CFH: variants seen among roughly 807,000 people sequenced by gnomAD.
CFH encodes the protein complement factor H.
In CFH, 53 loss-of-function variants were observed where a neutral mutation model predicts 147.3. The observed-to-expected ratio is 0.36, with a 90% CI of 0.29 to 0.45. CFH has a LOEUF of 0.45. Ranked by LOEUF, CFH falls within the 20% of genes least tolerant of loss-of-function variation. The probability of loss-of-function intolerance (pLI) is 1.00; values close to 1 mark genes in which losing one functional copy is unlikely to be tolerated. For missense variants in CFH, 1,380 were observed against 1,498.0 expected (o/e 0.92, Z 1.30); for synonymous variants, 536 against 489.4 (o/e 1.10, Z -1.26).
intron 18 of CFH, chr1:196,741,671 C>A (rs996336409): frequency 7.2e-6 from 4 of 558,738 alleles, no homozygotes; most frequent in Non-Finnish European, 3.2e-6. Context: ...CTTCTAATAT[C>A]ATTTCTATCT....
intron 15 of CFH, among the ~76,000 whole-genome samples, chr1:196,734,696 C>T (rs575089505): frequency 5.0e-4 from 76 of 152,086 alleles, no homozygotes; most frequent in African/African-American, 1.8e-3. Flanking sequence ...ATACTGGCAT[C>T]GTGCTGATGT....
chr1:196,696,259 T>A (rs1306499444), intron 9 of CFH, among the ~76,000 whole-genome samples: 1 of 152,004 alleles, frequency 6.6e-6, no homozygotes, highest in Non-Finnish European at 1.5e-5. Context: ...CAACAAACAG[T>A]CTCTCAGACC....
intron 17 of CFH, among the ~76,000 whole-genome samples, chr1:196,738,878 C>T (rs1429990121): frequency 6.6e-6 from 1 of 152,214 alleles, no homozygotes; most frequent in Non-Finnish European, 1.5e-5. Context: ...AGCAGAGGTT[C>T]TCCATGTGGG....
Position 196,652,053 on chromosome 1 carries a change from G to A in CFH, c.-65G>A, listed in dbSNP as rs1253082856. ...TTTCCTGCACTAATCACAATTCTTG[G>A]AAGAGGAGAACTGGACGTTGTGAAC... is the stretch of plus-strand genomic sequence containing the variant. On this transcript the variant is annotated 5_prime_UTR_variant, in exon 1 of 22. Transcript: ENST00000367429. The A allele has an allele frequency of 8.8e-7, 1 of 1,135,348 alleles. No individual in the cohort carries two copies. Among genetic ancestry groups the A allele is most frequent in the East Asian group, 2.3e-5 (1 of 42,558 alleles). 70.3% of individuals were successfully genotyped at this position (1,135,348 alleles called of 1,614,324 possible). A position where few individuals can be genotyped will look rare whatever the true frequency, so the allele number is the denominator to read the frequency against.
chr1:196,675,427 C>A (rs1363669748), intron 3 of CFH, among the ~76,000 whole-genome samples: 1 of 152,074 alleles, frequency 6.6e-6, no homozygotes, highest in Non-Finnish European at 1.5e-5. Context: ...CAACTTTTGG[C>A]TGGCACTATC....
chr1:196,683,562 C>G (rs769199784), intron 6 of CFH, among the ~76,000 whole-genome samples: 12 of 151,408 alleles, frequency 7.9e-5, no homozygotes, highest in Non-Finnish European at 1.5e-4. Flanking sequence ...AGTGAAGGGA[C>G]TGAAAATTGG....
In CFH at chr1:196,707,973, C is replaced by T. The variant is rs555725288; in HGVS notation, c.1337-5762C>T. Among the ~76,000 whole-genome samples the T allele has an allele frequency of 5.2e-4, 79 of 152,266 alleles. 1 individual carries two copies. Among genetic ancestry groups the T allele is most frequent in the African/African-American group, 1.8e-3 (73 of 41,560 alleles). ...TAATTACAATTGCTACCCTTATAGA[C>T]ATTACTTCATAATTGCCTTGGTCAA... is the stretch of plus-strand genomic sequence containing the variant. On this transcript the variant is annotated intron_variant, in intron 9 of 21. Coordinates refer to ENST00000367429, the MANE Select transcript of CFH (RefSeq NM_000186.4).
At chr1:196,721,997 T>C (rs1416975201) in intron 11 of CFH, among the ~76,000 whole-genome samples, 1 of 152,044 alleles carries the variant, frequency 6.6e-6, no homozygotes, top group Non-Finnish European at 1.5e-5. Context: ...CCAAATTTGG[T>C]CCACAAATCT....
chr1:196,710,778 A>AT (rs1668707314), intron 9 of CFH, among the ~76,000 whole-genome samples: 1 of 116,364 alleles, frequency 8.6e-6, no homozygotes, highest in African/African-American at 3.5e-5. Context: ...GTCTTACCCT[A>AT]GTTTTTTTTA....
chr1:196,664,515 T>TA, intron 1 of CFH, among the ~76,000 whole-genome samples: 1 of 152,202 alleles, frequency 6.6e-6, no homozygotes, highest in Non-Finnish European at 1.5e-5. Context: ...TATTGTAACA[T>TA]AAAAGGAGTC....
In CFH at chr1:196,743,579, A is replaced by G. The variant is rs1407239295; in HGVS notation, c.3261A>G (p.Glu1087=). ...CRSPYEMFGD[E]EVMCLNGNWT... ...GCCCTTATGAAATGTTTGGGGATGA[A>G]GAAGTGATGTGTTTAAATGGAAACT... The change falls in exon 20 of 22, where the codon GAA becomes GAG. Residue 1087 remains glutamate (E), a synonymous_variant. Coordinates refer to ENST00000367429, the MANE Select transcript of CFH (RefSeq NM_000186.4). The G allele has an allele frequency of 6.2e-7, 1 of 1,614,076 alleles. No individual in the cohort carries two copies. The highest frequency in any genetic ancestry group is 1.1e-5 in the South Asian group (1 of 91,088).
rs141488580 is a variant in CFH, at chr1:196,735,340, T to A, written c.2414-1484T>A. Among the ~76,000 whole-genome samples, 221 of 152,286 alleles carry A rather than the reference T, an allele frequency of 1.5e-3. 1 individual carries two copies. The highest frequency in any genetic ancestry group is 5.2e-3 in the African/African-American group (215 of 41,582). ...ATTTTGAAACACTCAGTTTTTTAAT[T>A]GCTCAGCACATAGTCTACCTTGCTA... On this transcript the variant is annotated intron_variant, in intron 15 of 21. Coordinates refer to ENST00000367429, the MANE Select transcript of CFH (RefSeq NM_000186.4).
In CFH at chr1:196,679,689, A is replaced by G. The variant is rs1667582503; in HGVS notation, c.686A>G (p.Glu229Gly). The G allele has an allele frequency of 6.2e-7, 1 of 1,609,112 alleles. No individual in the cohort carries two copies. Among genetic ancestry groups the G allele is most frequent in the Non-Finnish European group, 8.5e-7 (1 of 1,176,186 alleles). ...SPISQKIIYK[E>G]NERFQYKCNM... is the part of the protein sequence containing the mutation. ...ATATCTCAGAAGATTATTTATAAGG[A>G]GAATGAACGATTTCAATATAAATGT... The change falls in exon 6 of 22, where the codon GAG becomes GGG. Residue 229 changes from glutamate (E) to glycine (G), a missense_variant. Physicochemically the swap from Glu to Gly is moderately conservative, Grantham distance 98. Coordinates refer to ENST00000367429, the MANE Select transcript of CFH (RefSeq NM_000186.4).
intron 9 of CFH, among the ~76,000 whole-genome samples, chr1:196,692,746 T>TTTTG (rs1558163544): frequency 0.017 from 687 of 41,372 alleles, 7 homozygotes; most frequent in South Asian, 0.034. Context: ...CTTCCTTTCT[T>TTTTG]TTTCTTTCTT....
intron 11 of CFH, among the ~76,000 whole-genome samples, chr1:196,723,881 C>T (rs1669061976): frequency 6.6e-6 from 1 of 151,992 alleles, no homozygotes; most frequent in South Asian, 2.1e-4. Flanking sequence ...GGTGTGTCTA[C>T]ACCAGTCTCC....
At chr1:196,692,545 T>A (rs1230867891) in intron 9 of CFH, among the ~76,000 whole-genome samples, 2 of 141,216 alleles carry the variant, frequency 1.4e-5, no homozygotes, top group Non-Finnish European at 3.0e-5. Flanking sequence ...TCTTTCTTTT[T>A]CTTTTTCTTT....
At chr1:196,658,436 G>A in intron 1 of CFH, among the ~76,000 whole-genome samples, 1 of 74,850 alleles carries the variant, frequency 1.3e-5, no homozygotes, top group African/African-American at 7.1e-5. Flanking sequence ...TTTTGAGATG[G>A]AGTCTTGCTC....
In CFH at chr1:196,726,762, G is replaced by T; in HGVS notation, c.2058G>T (p.Val686=). ...GEWTTLPVCI[V]EESTCGDIPE... ...ACTTTTTTTGTAAAATTTACATAGT[G>T]GAGGAGAGTACCTGTGGAGATATAC... Residue 686 remains valine (V), a splice_region_variant and synonymous_variant, in exon 14 of 22, where the codon GTG becomes GTT. Coordinates refer to ENST00000367429, the MANE Select transcript of CFH (RefSeq NM_000186.4). 1.2e-6 allele frequency: 2 copies of T among 1,613,636 alleles called. No individual in the cohort carries two copies. The highest frequency in any genetic ancestry group is 1.7e-6 in the Non-Finnish European group (2 of 1,179,698).
intron 20 of CFH, among the ~76,000 whole-genome samples, chr1:196,744,926 T>C (rs189311254): frequency 1.1e-4 from 16 of 152,288 alleles, no homozygotes; most frequent in Admixed American, 9.8e-4. Flanking sequence ...AATGTCTGTA[T>C]TGATCCCCTT....
Sources: gnomAD v4.1 joint callset for allele counts (sites outside exome capture counted in the v4.1 genomes callset) on GRCh38, gnomAD v4.1.1 for gene constraint, MANE v1.5 for transcripts, NCBI Gene and HGNC (gene_info 2026-07-23, HGNC 2026-07-21) for gene names.